Variants in STIM1 observed in about 807,000 individuals in gnomAD.
STIM1 encodes stromal interaction molecule 1.
Under a neutral mutation model 74.7 loss-of-function variants are expected in STIM1, and 25 were observed. The observed-to-expected ratio is 0.33, with a 90% CI of 0.24 to 0.47. The LOEUF is 0.47. Ranked by LOEUF, STIM1 falls within the 20% of genes least tolerant of loss-of-function variation. STIM1 has a pLI of 1.00. For synonymous variants in STIM1, 328 were observed against 348.8 expected (o/e 0.94, Z 0.66); for missense variants, 728 against 920.8 (o/e 0.79, Z 2.71).
At chr11:4,015,092 A>G (rs1565149018) in intron 2 of STIM1, among the ~76,000 whole-genome samples, 1 of 152,210 alleles carries the variant, frequency 6.6e-6, no homozygotes, top group African/African-American at 2.4e-5. Context: ...TCCTGTCAAT[A>G]TGATGCTAGC....
chr11:3,945,578 G>A (rs900176532), intron 1 of STIM1, among the ~76,000 whole-genome samples: 3 of 152,052 alleles, frequency 2.0e-5, no homozygotes, highest in African/African-American at 4.8e-5. Context: ...CAGCCTGGGC[G>A]ACACAGTAAG....
intron 5 of STIM1, among the ~76,000 whole-genome samples, 197 bp from the exon 6 acceptor site, chr11:4,069,829 T>C (rs2094392505): frequency 6.6e-6 from 1 of 152,170 alleles, no homozygotes; most frequent in Non-Finnish European, 1.5e-5. Flanking sequence ...AACAAAGCCT[T>C]GGCTAGCAGA....
chr11:4,048,368 T>A (rs2094210521), intron 3 of STIM1, among the ~76,000 whole-genome samples: 1 of 152,242 alleles, frequency 6.6e-6, no homozygotes, highest in Admixed American at 6.5e-5. Context: ...TAAGTCACTG[T>A]GTAAAATTTG....
chr11:3,888,387 G>C (rs902090038), intron 1 of STIM1, among the ~76,000 whole-genome samples: 1 of 152,176 alleles, frequency 6.6e-6, no homozygotes, highest in South Asian at 2.1e-4. Flanking sequence ...CAGGACATCA[G>C]CTTTTCTGAA....
chr11:3,903,511 C>T (rs749982865), intron 1 of STIM1: 1 of 152,162 alleles, frequency 6.6e-6, no homozygotes, highest in Non-Finnish European at 1.5e-5. Flanking sequence ...GTCAGCTCAG[C>T]CCATTTTAGA....
chr11:3,872,523 C>CTTTTTTTTTTTTT (rs574634847), intron 1 of STIM1, among the ~76,000 whole-genome samples: 1 of 129,366 alleles, frequency 7.7e-6, no homozygotes, highest in Non-Finnish European at 1.6e-5. Context: ...TTCTTTTTTT[C>CTTTTTTTTTTTTT]TTTTTTTTTT....
At chr11:4,059,042 G>T in intron 4 of STIM1, 2 of 928,390 alleles carry the variant, frequency 2.2e-6, no homozygotes, top group Non-Finnish European at 1.5e-6. Flanking sequence ...AATCCTTAGA[G>T]GATAGGGTGC....
chr11:3,896,739 T>TA (rs1431501131), intron 1 of STIM1, among the ~76,000 whole-genome samples: 2 of 152,142 alleles, frequency 1.3e-5, no homozygotes, highest in African/African-American at 4.8e-5. Context: ...GTTGGTACCT[T>TA]AGCTTCTCTA....
chr11:3,948,259 C>A (rs965410638), intron 1 of STIM1, among the ~76,000 whole-genome samples: 7 of 152,062 alleles, frequency 4.6e-5, no homozygotes, highest in African/African-American at 1.7e-4. Flanking sequence ...CCTATCTACC[C>A]TTTCTCAAGC....
intron 1 of STIM1, among the ~76,000 whole-genome samples, chr11:3,918,147 A>G (rs2135509634): frequency 6.6e-6 from 1 of 152,272 alleles, no homozygotes; most frequent in African/African-American, 2.4e-5. Flanking sequence ...TACTGGTGTC[A>G]TTCTTAGGCA....
At chr11:3,908,919 C>T (rs1205017591) in intron 1 of STIM1, among the ~76,000 whole-genome samples, 1 of 152,136 alleles carries the variant, frequency 6.6e-6, no homozygotes, top group Non-Finnish European at 1.5e-5. Context: ...TGTGTGAGTT[C>T]TTCCTGTGCA....
intron 1 of STIM1, among the ~76,000 whole-genome samples, chr11:3,860,207 A>G (rs1240406090): frequency 6.6e-6 from 1 of 152,260 alleles, no homozygotes; most frequent in East Asian, 1.9e-4. Flanking sequence ...TAATTGTAGG[A>G]CAGATTAATA....
At chr11:3,876,293 G>C (rs1288483912) in intron 1 of STIM1, among the ~76,000 whole-genome samples, 2 of 152,130 alleles carry the variant, frequency 1.3e-5, no homozygotes, top group East Asian at 3.8e-4. Flanking sequence ...CAAAATTAAT[G>C]GATAAACAGA....
In STIM1 at chr11:4,026,732, G is replaced by T. The variant is rs188846117; in HGVS notation, c.385+2745G>T. On this transcript the variant is annotated intron_variant, in intron 3 of 12. Transcript: ENST00000526596. ...AGTTACAAATCAGGACCAGCCAAAA[G>T]AAGAAATTTATAGGGCAAGATATTG... 1.0e-3 allele frequency among the ~76,000 whole-genome samples: 154 copies of T among 152,294 alleles called. 1 individual carries two copies. In the South Asian group the frequency reaches 0.01, roughly 10 times the overall value.
chr11:4,051,652 T>G (rs1346071162), intron 3 of STIM1, among the ~76,000 whole-genome samples: 2 of 152,092 alleles, frequency 1.3e-5, no homozygotes, highest in Admixed American at 6.6e-5. Flanking sequence ...TAAATTATCT[T>G]TTTTTATCTG....
At chr11:3,887,005 GAA>G (rs996669981) in intron 1 of STIM1, among the ~76,000 whole-genome samples, 3 of 132,860 alleles carry the variant, frequency 2.3e-5, no homozygotes, top group Non-Finnish European at 4.9e-5. Context: ...CTGTCTCAAA[GAA>G]AAAAAAAAAG....
intron 1 of STIM1, among the ~76,000 whole-genome samples, chr11:3,907,162 G>T (rs1178025100): frequency 6.6e-6 from 1 of 152,106 alleles, no homozygotes; most frequent in African/African-American, 2.4e-5. Flanking sequence ...AATAAAAAGG[G>T]GTTTATAAGC....
chr11:4,083,406 T>C lies in STIM1; in HGVS notation c.1382T>C (p.Met461Thr), dbSNP rs1444907403. 5.0e-6 allele frequency: 8 copies of C among 1,614,110 alleles called. No homozygotes were observed. The highest frequency in any genetic ancestry group is 4.0e-5 in the African/African-American group (3 of 74,948). ...GCCCTCAACATAGACCCCAGCTGGA[T>C]GGGCAGTACACGCCCCAACCCTGCT... ...VAALNIDPSW[M>T]GSTRPNPAHF... The change falls in exon 10 of 13, where the codon ATG becomes ACG. Residue 461 changes from methionine (M) to threonine (T), a missense_variant. This residue lies in a region of STIM1 where 352 missense variants were observed against 370.1 expected (regional missense o/e 0.95). Transcript: ENST00000526596.
intron 1 of STIM1, chr11:3,893,001 C>T: frequency 1.5e-6 from 1 of 652,774 alleles, no homozygotes. Flanking sequence ...AACTCCTGAG[C>T]TCAAGCAATC....
Sources: gnomAD v4.1 joint callset for allele counts (sites outside exome capture counted in the v4.1 genomes callset) on GRCh38, gnomAD v4.1.1 for gene constraint, gnomAD v4.1.1 regional missense constraint, MANE v1.5 for transcripts, NCBI Gene and HGNC (gene_info 2026-07-23, HGNC 2026-07-21) for gene names.